The following TCL1B variants were observed in gnomAD, a reference collection of about 807,000 sequenced individuals.
The protein encoded by TCL1B is T-cell leukemia/lymphoma protein 1B.
TCL1B carries 14 observed loss-of-function variants against 16.9 expected under a neutral mutation model. The observed-to-expected ratio is 0.83, with a 90% CI of 0.55 to 1.30. The LOEUF (loss-of-function observed/expected upper bound fraction) is 1.30. Ranked by LOEUF, TCL1B falls within the 50% of genes most tolerant of loss-of-function variation. The pLI is 0.00. For missense variants in TCL1B, 166 were observed against 165.2 expected, an observed-to-expected ratio of 1.00 and a Z score of -0.03; for synonymous variants, 79 against 66.6, an observed-to-expected ratio of 1.19 and a Z score of -0.91.
intron 1 of TCL1B, among the ~76,000 whole-genome samples, chr14:95,689,823 G>A (rs1192643913): frequency 6.6e-6 from 1 of 152,194 alleles, no homozygotes; most frequent in Non-Finnish European, 1.5e-5. Flanking sequence ...TTCACAACAT[G>A]TCTGATTGAT....
At chr14:95,691,237 G>A in intron 2 of TCL1B, 31 bp from the exon 3 acceptor site, 1 of 1,609,558 alleles carries the variant, frequency 6.2e-7, no homozygotes, top group Non-Finnish European at 8.5e-7. Flanking sequence ...GCATCTCCCA[G>A]AGGTTCTGAT....
At position 95,692,475 on chromosome 14, in the gene TCL1B, A is replaced by G. The variant is rs710301; in HGVS notation, c.*560A>G. ...CAGTGCTGAGCAAGCAATGTACACC[A>G]GAGCCTCAGTGAGCCCATCTGCACA... On this transcript the variant is annotated 3_prime_UTR_variant, in exon 4 of 4. Coordinates refer to ENST00000340722, the MANE Select transcript of TCL1B (RefSeq NM_004918.4). 0.47 allele frequency: 70,884 copies of G among 152,152 alleles called. 17,231 individuals are homozygous for G. The highest frequency in any genetic ancestry group is 0.7 in the East Asian group (3,611 of 5,166). 9.4% of individuals were successfully genotyped at this position (152,152 alleles called of 1,614,324 possible). A position where few individuals can be genotyped will look rare whatever the true frequency, so the allele number is the denominator to read the frequency against.
At chr14:95,687,167 C>A (rs1885779376) in intron 1 of TCL1B, among the ~76,000 whole-genome samples, 1 of 152,164 alleles carries the variant, frequency 6.6e-6, no homozygotes, top group African/African-American at 2.4e-5. Flanking sequence ...CCTGGGGAAG[C>A]ATTTGACTGA....
intron 3 of TCL1B, chr14:95,691,552 G>A (rs1254775794): frequency 1.4e-5 from 7 of 492,438 alleles, no homozygotes; most frequent in Admixed American, 3.5e-5. Context: ...GGATCTCATC[G>A]AATAAGACTC....
At chr14:95,691,194 C>G in intron 2 of TCL1B, 74 bp from the exon 3 acceptor site, 1 of 1,541,540 alleles carries the variant, frequency 6.5e-7, no homozygotes, top group South Asian at 1.2e-5. Context: ...TGCTGCCAGC[C>G]TGCATGGGCG....
At chr14:95,686,671 C>T (rs543185815) in intron 1 of TCL1B, 42 bp downstream of exon 1, 299 of 1,553,348 alleles carry the variant, frequency 1.9e-4, no homozygotes, top group Admixed American at 4.7e-4. Context: ...GAGGGCTGCG[C>T]ACTGACCCCT....
chr14:95,691,515 G>GC (rs1885885472), intron 3 of TCL1B, 179 bp downstream of exon 3: 4 of 569,168 alleles, frequency 7.0e-6, no homozygotes, highest in Non-Finnish European at 1.2e-5. Context: ...CAGTGGGTGG[G>GC]CCCCCATAAT....
intron 1 of TCL1B, 114 bp downstream of exon 1, chr14:95,686,743 C>T (rs1885770489): frequency 7.7e-7 from 1 of 1,299,932 alleles, no homozygotes. Flanking sequence ...GGAAAACTCA[C>T]TTCTGTGCAG....
At chr14:95,686,772 G>A in intron 1 of TCL1B, 143 bp downstream of exon 1, 1 of 1,031,700 alleles carries the variant, frequency 9.7e-7, no homozygotes, top group Non-Finnish European at 1.3e-6. Flanking sequence ...GCGCAGCAAT[G>A]TCCATGCCCA....
At chr14:95,691,369 G>C (rs888412771) in intron 3 of TCL1B, 33 bp downstream of exon 3, 2 of 1,597,450 alleles carry the variant, frequency 1.3e-6, no homozygotes, top group Non-Finnish European at 8.5e-7. Flanking sequence ...TCAGTGTAGG[G>C]ATCAGACGAA....
rs767561025 is a variant in TCL1B at position 95,690,770 on chromosome 14, T to C, written c.197T>C (p.Met66Thr). ...EPSITVHLWQMAVHTRELLSS... is the reference protein window; with the variant it reads ...EPSITVHLWQTAVHTRELLSS... ...AGCATCACAGTGCACTTGTGGCAGA[T>C]GGCAGTGCATACCCGGGAGCTACTC... The change falls in exon 2 of 4, where the codon ATG (methionine) becomes ACG (threonine). Residue 66 changes from methionine (M) to threonine (T), a missense_variant. Transcript: ENST00000340722. 2.5e-6 allele frequency: 4 copies of C among 1,614,062 alleles called. No homozygotes were observed. Among genetic ancestry groups the C allele is most frequent in the Admixed American group, 3.3e-5 (2 of 60,014 alleles).
At chr14:95,688,375 A>G (rs1885806875) in intron 1 of TCL1B, 1 of 152,208 alleles carries the variant, frequency 6.6e-6, no homozygotes, top group Non-Finnish European at 1.5e-5. Context: ...TTGGTAGAGA[A>G]CATGGAAAGG....
chr14:95,691,710 G>A (rs1885890875), intron 3 of TCL1B: 1 of 205,820 alleles, frequency 4.9e-6, no homozygotes, highest in Admixed American at 5.3e-5. Flanking sequence ...CGGGTCCCTA[G>A]ATTTAACCAT....
intron 3 of TCL1B, 76 bp downstream of exon 3, chr14:95,691,412 G>A (rs1885883476): frequency 1.2e-5 from 17 of 1,390,998 alleles, no homozygotes; most frequent in East Asian, 2.3e-5. Flanking sequence ...TCAGAAAGAC[G>A]GCGTGGCCTC....
At chr14:95,686,778 G>A (rs76123519) in intron 1 of TCL1B, 149 bp downstream of exon 1, 16 of 976,606 alleles carry the variant, frequency 1.6e-5, no homozygotes, top group Non-Finnish European at 2.2e-5. Context: ...CAATGTCCAT[G>A]CCCAGCCCTG....
chr14:95,691,170 C>A (rs1566740734), intron 2 of TCL1B, 98 bp from the exon 3 acceptor site: 1 of 1,423,434 alleles, frequency 7.0e-7, no homozygotes, highest in Non-Finnish European at 9.6e-7. Flanking sequence ...ACCTGCCTCA[C>A]CCCTGCCTGC....
At position 95,690,779 on chromosome 14, in the gene TCL1B, A is replaced by G. The variant is rs773219739; in HGVS notation, c.206A>G (p.His69Arg). ...ITVHLWQMAV[H>R]TRELLSSGQM... ...GTGCACTTGTGGCAGATGGCAGTGCATACCCGGGAGCTACTCTCCTCCGGC... is the reference window on the plus strand; with the variant it reads ...GTGCACTTGTGGCAGATGGCAGTGCGTACCCGGGAGCTACTCTCCTCCGGC... Residue 69 changes from histidine (H) to arginine (R), a missense_variant, in exon 2 of 4, where the codon CAT (histidine) becomes CGT (arginine). Physicochemically the swap from His to Arg is conservative, Grantham distance 29. Coordinates refer to ENST00000340722, the MANE Select transcript of TCL1B (RefSeq NM_004918.4). 1.9e-6 allele frequency: 3 copies of G among 1,614,094 alleles called. No individual in the cohort carries two copies. Among genetic ancestry groups the G allele is most frequent in the Non-Finnish European group, 2.5e-6 (3 of 1,180,032 alleles).
chr14:95,690,615 G>A (rs188341055), intron 1 of TCL1B, 121 bp from the exon 2 acceptor site: 56 of 1,164,726 alleles, frequency 4.8e-5, no homozygotes, highest in Admixed American at 2.6e-4. Flanking sequence ...CAAGGCTCTT[G>A]GTCTGGAATT....
intron 2 of TCL1B, 33 bp downstream of exon 2, chr14:95,690,939 A>G (rs755300605): frequency 1.2e-6 from 2 of 1,603,980 alleles, no homozygotes; most frequent in African/African-American, 1.3e-5. Context: ...TGAAAGCGAC[A>G]GGTGGCCCCT....
Sources: gnomAD v4.1 joint callset for allele counts (sites outside exome capture counted in the v4.1 genomes callset) on GRCh38, gnomAD v4.1.1 for gene constraint, MANE v1.5 for transcripts, NCBI Gene and HGNC (gene_info 2026-07-23, HGNC 2026-07-21) for gene names.